The following USP4 variants were observed in gnomAD, a reference collection of about 807,000 sequenced individuals.
The protein encoded by USP4 is ubiquitin specific peptidase 4.
A neutral mutation model predicts 118.2 loss-of-function variants in USP4; 72 were observed. The observed-to-expected ratio is 0.61, with a 90% CI of 0.50 to 0.74. USP4 has a LOEUF of 0.74. Ranked by LOEUF, USP4 falls within the 30% of genes least tolerant of loss-of-function variation. USP4 has a pLI of 0.00. For synonymous variants in USP4, 415 were observed against 440.4 expected (o/e 0.94, Z 0.72); for missense variants, 1,037 against 1,185.7 (o/e 0.87, Z 1.84).
At chr3:49,292,152 G>A (rs772996124) in intron 15 of USP4, among the ~76,000 whole-genome samples, 2 of 152,014 alleles carry the variant, frequency 1.3e-5, no homozygotes, top group Non-Finnish European at 1.5e-5. Context: ...TGGGTGTCGT[G>A]GCATGCACCT....
intron 13 of USP4, among the ~76,000 whole-genome samples, chr3:49,294,958 A>G (rs1425892235): frequency 6.6e-6 from 1 of 152,176 alleles, no homozygotes; most frequent in Non-Finnish European, 1.5e-5. Context: ...CCAGCCACCA[A>G]GTTCATCTTT....
chr3:49,310,793 A>G (rs765557953), intron 7 of USP4, 56 bp from the exon 8 acceptor site: 62 of 1,430,488 alleles, frequency 4.3e-5, no homozygotes, highest in Non-Finnish European at 5.8e-5. Flanking sequence ...CATGCCCTCA[A>G]GATGCTTTTT....
chr3:49,339,516 C>T (rs1198375525), intron 1 of USP4, among the ~76,000 whole-genome samples: 2 of 152,194 alleles, frequency 1.3e-5, no homozygotes, highest in Non-Finnish European at 2.9e-5. Flanking sequence ...TCTGATTTTC[C>T]CCTCAACCCA....
chr3:49,280,977 C>T (rs1489327511), intron 19 of USP4, 130 bp from the exon 20 acceptor site: 2 of 661,964 alleles, frequency 3.0e-6, no homozygotes, highest in Non-Finnish European at 5.2e-6. Flanking sequence ...CGAGAGAGAC[C>T]AAGATGGAAG....
intron 1 of USP4, among the ~76,000 whole-genome samples, chr3:49,337,454 C>T (rs570021422): frequency 3.3e-5 from 5 of 151,942 alleles, no homozygotes; most frequent in Admixed American, 3.3e-4. Context: ...TATTTATTTC[C>T]TTAGAGAGAG....
At chr3:49,292,426 C>G (rs904313558) in intron 15 of USP4, 84 bp downstream of exon 15, 7 of 899,582 alleles carry the variant, frequency 7.8e-6, no homozygotes, top group African/African-American at 1.7e-5. Context: ...ACCCCCTTCT[C>G]CCATGTGTGT....
chr3:49,308,015 A>T (rs2047337481), intron 8 of USP4, among the ~76,000 whole-genome samples: 1 of 152,024 alleles, frequency 6.6e-6, no homozygotes, highest in Non-Finnish European at 1.5e-5. Context: ...AGAAAAAAAA[A>T]AATGAATTTT....
chr3:49,283,564 G>A (rs2047062726), intron 19 of USP4, among the ~76,000 whole-genome samples: 1 of 152,170 alleles, frequency 6.6e-6, no homozygotes, highest in South Asian at 2.1e-4. Context: ...CCCAGGGACA[G>A]GATCATGGCA....
intron 8 of USP4, 85 bp from the exon 9 acceptor site, chr3:49,305,973 A>G: frequency 5.9e-6 from 8 of 1,348,562 alleles, no homozygotes; most frequent in Non-Finnish European, 7.9e-6. Flanking sequence ...AGGGTCACTG[A>G]GGGACAACGC....
At chr3:49,289,085 T>C (rs962152350) in intron 15 of USP4, among the ~76,000 whole-genome samples, 1 of 152,190 alleles carries the variant, frequency 6.6e-6, no homozygotes, top group African/African-American at 2.4e-5. Context: ...CACTCCAGCC[T>C]GGGCGACAGA....
In USP4 at chr3:49,278,165, T is replaced by C; in HGVS notation, c.*128A>G. Reference sequence around the variant, plus strand: ...TTCTTTTTTTTTTTTTGTTTCCTTCTGCTCATAAAAGAAGGGTATTTCCTT... The same window carrying C: ...TTCTTTTTTTTTTTTTGTTTCCTTCCGCTCATAAAAGAAGGGTATTTCCTT... On this transcript the variant is annotated 3_prime_UTR_variant, in exon 22 of 22. Coordinates refer to ENST00000265560, the MANE Select transcript of USP4 (RefSeq NM_003363.4). 1.0e-6 allele frequency: 1 copy of C among 1,001,740 alleles called. No individual in the cohort carries two copies. 62.1% of individuals were successfully genotyped at this position (1,001,740 alleles called of 1,614,324 possible).
At chr3:49,296,546 G>T (rs1214861819) in intron 13 of USP4, among the ~76,000 whole-genome samples, 3 of 152,072 alleles carry the variant, frequency 2.0e-5, no homozygotes, top group African/African-American at 7.2e-5. Flanking sequence ...CTACTCGGGA[G>T]GCTGAGGCAG....
At chr3:49,279,875 A>T (rs757745138) in intron 20 of USP4, among the ~76,000 whole-genome samples, 21 of 152,184 alleles carry the variant, frequency 1.4e-4, no homozygotes, top group Non-Finnish European at 2.4e-4. Flanking sequence ...CCCAATGTGG[A>T]CCCTCACACA....
At chr3:49,321,246 C>T (rs984592203) in intron 6 of USP4, among the ~76,000 whole-genome samples, 8 of 152,124 alleles carry the variant, frequency 5.3e-5, no homozygotes, top group South Asian at 2.1e-4. Flanking sequence ...TTCAATTTTC[C>T]GTTTCTGTTA....
chr3:49,279,444 CAA>C (rs1352232153), intron 20 of USP4, among the ~76,000 whole-genome samples: 1 of 142,324 alleles, frequency 7.0e-6, no homozygotes, highest in African/African-American at 2.6e-5. Flanking sequence ...TCTCCATATC[CAA>C]AAAAAAAAAA....
chr3:49,339,310 C>G (rs1346458282), intron 1 of USP4, among the ~76,000 whole-genome samples: 1 of 152,148 alleles, frequency 6.6e-6, no homozygotes, highest in Non-Finnish European at 1.5e-5. Flanking sequence ...AATAACTCAG[C>G]CTGGGTCTTC....
At chr3:49,285,510 G>T (rs1468910085) in intron 16 of USP4, among the ~76,000 whole-genome samples, 1 of 152,118 alleles carries the variant, frequency 6.6e-6, no homozygotes, top group Non-Finnish European at 1.5e-5. Flanking sequence ...GCTGGGTGTG[G>T]TGGTGCACAC....
intron 19 of USP4, among the ~76,000 whole-genome samples, chr3:49,283,114 CAGGCGATTT>C (rs1182267207): frequency 3.5e-5 from 5 of 141,808 alleles, no homozygotes; most frequent in South Asian, 4.5e-4. Flanking sequence ...CTCCTAGGTT[CAGGCGATTT>C]TCCTGCCTCA....
Position 49,298,625 on chromosome 3 carries a change from G to C in USP4, c.1523C>G (p.Thr508Ser). Residue 508 changes from threonine (T) to serine (S), a missense_variant, in exon 12 of 22, where the codon ACT (threonine) becomes AGT (serine). Thr to Ser is a moderately conservative substitution (Grantham distance 58). Coordinates refer to ENST00000265560, the MANE Select transcript of USP4 (RefSeq NM_003363.4). ...GGACACAGCCCCCATCAGCGGCACA[G>C]TCACACGGTACTGCAAGACAGAGAT... ...PHCRPTQYRV[T>S]VPLMGAVSDL... is the part of the protein sequence containing the mutation. 2 of 1,614,156 alleles carry C rather than the reference G, an allele frequency of 1.2e-6. No homozygotes were observed. Among genetic ancestry groups the C allele is most frequent in the South Asian group, 2.2e-5 (2 of 91,086 alleles).
Sources: gnomAD v4.1 joint callset for allele counts (sites outside exome capture counted in the v4.1 genomes callset) on GRCh38, gnomAD v4.1.1 for gene constraint, MANE v1.5 for transcripts, NCBI Gene and HGNC (gene_info 2026-07-23, HGNC 2026-07-21) for gene names.